The following DLG2 variants were observed in gnomAD, a reference collection of about 807,000 sequenced individuals.
DLG2 encodes the protein disks large homolog 2.
A neutral mutation model predicts 132.5 loss-of-function variants in DLG2; 45 were observed. The observed-to-expected ratio is 0.34, with a 90% CI of 0.27 to 0.44. DLG2 has a LOEUF of 0.44. Ranked by LOEUF, DLG2 falls within the 20% of genes least tolerant of loss-of-function variation. DLG2 has a pLI of 1.00. For missense variants in DLG2, 1,045 were observed against 1,196.9 expected, an observed-to-expected ratio of 0.87 and a Z score of 1.87; for synonymous variants, 424 against 419.6, an observed-to-expected ratio of 1.01 and a Z score of -0.13.
At chr11:85,297,268 G>A (rs998608253) in intron 3 of DLG2, among the ~76,000 whole-genome samples, 1 of 152,096 alleles carries the variant, frequency 6.6e-6, no homozygotes, top group African/African-American at 2.4e-5. Context: ...GTTAAATAAA[G>A]TATACTGCCT....
intron 7 of DLG2, among the ~76,000 whole-genome samples, chr11:84,347,651 C>T (rs563730207): frequency 4.3e-4 from 65 of 152,270 alleles, no homozygotes; most frequent in Non-Finnish European, 8.1e-4. Flanking sequence ...ATTATTGATG[C>T]CTCCCCACAA....
At chr11:84,825,693 G>C (rs926163658) in intron 6 of DLG2, among the ~76,000 whole-genome samples, 1 of 151,850 alleles carries the variant, frequency 6.6e-6, no homozygotes, top group Non-Finnish European at 1.5e-5. Context: ...CTCCTCTTCA[G>C]CATCATTGTT....
rs1940093 is a variant in DLG2 at position 84,700,180 on chromosome 11, A to T, written c.358-165449T>A. On this transcript the variant is annotated intron_variant, in intron 6 of 27. Transcript: ENST00000376104. ...AAACCTTACAGTGTTCATTAAAGACATTATTTGTACAGTATAAAACAATAA... is the reference window on the plus strand; with the variant it reads ...AAACCTTACAGTGTTCATTAAAGACTTTATTTGTACAGTATAAAACAATAA... Among the ~76,000 whole-genome samples the T allele has an allele frequency of 1.1e-4, 16 of 151,796 alleles. No homozygotes were observed. The South Asian group carries it at 3.3e-3, about 31-fold the overall frequency.
chr11:83,798,062 C>T (rs955410147), intron 17 of DLG2, among the ~76,000 whole-genome samples: 4 of 152,172 alleles, frequency 2.6e-5, no homozygotes, highest in African/African-American at 9.7e-5. Context: ...GTTGGATGGA[C>T]CCCCTTGGAG....
chr11:85,239,857 T>C (rs2075789379), intron 4 of DLG2, among the ~76,000 whole-genome samples: 1 of 151,820 alleles, frequency 6.6e-6, no homozygotes, highest in Admixed American at 6.6e-5. Flanking sequence ...GCTATGACTA[T>C]TCTTGTCTAT....
Position 84,851,477 on chromosome 11 carries a change from G to A in DLG2, c.357+260184C>T, listed in dbSNP as rs138573065. Among the ~76,000 whole-genome samples the A allele has an allele frequency of 3.9e-4, 60 of 152,114 alleles. No individual in the cohort carries two copies. In the Middle Eastern group the frequency reaches 0.027, roughly 69 times the overall value. On this transcript the variant is annotated intron_variant, in intron 6 of 27. Coordinates refer to ENST00000376104, the MANE Select transcript of DLG2 (RefSeq NM_001142699.3). ...CCAAATTGGAGCCCAGGAGTTTTGT[G>A]GCTTCAGCCCCCACTGTTAGCTGTA...
chr11:84,188,379 C>G (rs76558427), intron 8 of DLG2, among the ~76,000 whole-genome samples: 3,574 of 152,160 alleles, frequency 0.023, 116 homozygotes, highest in African/African-American at 0.079. Context: ...TCTCCAGATG[C>G]TCTCACATAT....
chr11:85,473,722 G>A (rs1170365389), intron 3 of DLG2, among the ~76,000 whole-genome samples: 1 of 151,898 alleles, frequency 6.6e-6, no homozygotes, highest in East Asian at 1.9e-4. Context: ...TTCCCTAGAG[G>A]TAGACTTGTA....
intron 11 of DLG2, among the ~76,000 whole-genome samples, chr11:84,046,744 A>C (rs936754352): frequency 1.3e-5 from 2 of 151,634 alleles, no homozygotes; most frequent in African/African-American, 2.4e-5. Flanking sequence ...TCTCATAACT[A>C]GATAACCCAT....
At chr11:83,499,856 T>G (rs1290493979) in intron 21 of DLG2, among the ~76,000 whole-genome samples, 9 of 36,052 alleles carry the variant, frequency 2.5e-4, no homozygotes, top group East Asian at 1.2e-3. Flanking sequence ...ATAGGAGATA[T>G]ATATATATAT....
intron 11 of DLG2, among the ~76,000 whole-genome samples, chr11:84,001,823 T>C (rs1471533508): frequency 6.6e-6 from 1 of 152,142 alleles, no homozygotes; most frequent in African/African-American, 2.4e-5. Context: ...AAATTAAACA[T>C]GTTCATGTTC....
intron 6 of DLG2, among the ~76,000 whole-genome samples, chr11:84,668,437 C>T (rs2099702204): frequency 6.6e-6 from 1 of 152,138 alleles, no homozygotes; most frequent in African/African-American, 2.4e-5. Flanking sequence ...ACCAGCTTCC[C>T]AAATACCATT....
At chr11:85,000,068 G>T (rs537700986) in intron 6 of DLG2, among the ~76,000 whole-genome samples, 1 of 151,836 alleles carries the variant, frequency 6.6e-6, no homozygotes, top group South Asian at 2.1e-4. Context: ...TAACATACCC[G>T]TGCATTCCTT....
chr11:84,668,103 T>C (rs968874683), intron 6 of DLG2, among the ~76,000 whole-genome samples: 2 of 152,070 alleles, frequency 1.3e-5, no homozygotes, highest in African/African-American at 2.4e-5. Flanking sequence ...CAGATAAAGA[T>C]AGTAACGCCC....
rs185644882 is a variant in DLG2, at chr11:83,831,967, G to A, written c.1722+1647C>T. On this transcript the variant is annotated intron_variant, in intron 17 of 27. Transcript: ENST00000376104. ...GGGGGAAAGTGGCAATGAGATGGAA[G>A]AATGAAAAGAGGGAGGGAAGGGATA... 5.1e-3 allele frequency among the ~76,000 whole-genome samples: 774 copies of A among 152,216 alleles called. 8 individuals are homozygous for A. Among genetic ancestry groups the A allele is most frequent in the Non-Finnish European group, 8.0e-3 (546 of 67,998 alleles).
chr11:85,188,736 G>C (rs185274932), intron 4 of DLG2, among the ~76,000 whole-genome samples: 2 of 152,248 alleles, frequency 1.3e-5, no homozygotes, highest in Non-Finnish European at 2.9e-5. Context: ...ACTCACTAGA[G>C]AGACTCAACA....
intron 6 of DLG2, among the ~76,000 whole-genome samples, chr11:84,550,010 A>C (rs2099398575): frequency 6.6e-6 from 1 of 151,938 alleles, no homozygotes; most frequent in Non-Finnish European, 1.5e-5. Flanking sequence ...TCTGCTTCAA[A>C]TTCCCAAAGT....
chr11:85,574,968 C>T (rs573524701), intron 3 of DLG2, among the ~76,000 whole-genome samples: 2 of 152,208 alleles, frequency 1.3e-5, no homozygotes, highest in South Asian at 4.1e-4. Context: ...CTCCCACACC[C>T]TAATCTAAAC....
At chr11:83,716,654 C>T (rs563357251) in intron 18 of DLG2, among the ~76,000 whole-genome samples, 3 of 152,142 alleles carry the variant, frequency 2.0e-5, no homozygotes, top group South Asian at 2.1e-4. Flanking sequence ...AACCAAAGAT[C>T]GAGAGGTCAA....
Sources: gnomAD v4.1 joint callset for allele counts (sites outside exome capture counted in the v4.1 genomes callset) on GRCh38, gnomAD v4.1.1 for gene constraint, MANE v1.5 for transcripts, NCBI Gene and HGNC (gene_info 2026-07-23, HGNC 2026-07-21) for gene names.